Variants in RASAL2 observed in about 807,000 individuals in gnomAD.
RASAL2 encodes the protein ras GTPase-activating protein nGAP.
RASAL2 carries 58 observed loss-of-function variants against 128.9 expected under a neutral mutation model. The observed-to-expected ratio is 0.45, with a 90% confidence interval of 0.36 to 0.56. The LOEUF is 0.56. Ranked by LOEUF, RASAL2 falls within the 20% of genes least tolerant of loss-of-function variation. RASAL2 has a pLI of 0.00. For missense variants in RASAL2, 1,360 were observed against 1,601.6 expected, an observed-to-expected ratio of 0.85 and a Z score of 2.57; for synonymous variants, 561 against 580.8, an observed-to-expected ratio of 0.97 and a Z score of 0.49.
At chr1:178,187,067 A>G (rs1380532873) in intron 1 of RASAL2, among the ~76,000 whole-genome samples, 3 of 152,028 alleles carry the variant, frequency 2.0e-5, no homozygotes, top group Admixed American at 6.6e-5. Context: ...GCCTAAAGCA[A>G]TCCTCCTGCC....
intron 3 of RASAL2, among the ~76,000 whole-genome samples, chr1:178,309,486 TGGTTGAGTA>T: frequency 6.6e-6 from 1 of 152,300 alleles, no homozygotes; most frequent in Non-Finnish European, 1.5e-5. Context: ...CTCAAGGTTT[TGGTTGAGTA>T]GTTTTGGGTT....
intron 3 of RASAL2, among the ~76,000 whole-genome samples, chr1:178,320,047 C>G (rs960188991): frequency 1.3e-5 from 2 of 151,546 alleles, no homozygotes; most frequent in African/African-American, 4.8e-5. Context: ...GTTGGAATAC[C>G]CTGCCATGTG....
chr1:178,274,080 A>T (rs1021158483), intron 1 of RASAL2, among the ~76,000 whole-genome samples: 8 of 152,206 alleles, frequency 5.3e-5, no homozygotes, highest in African/African-American at 1.9e-4. Context: ...ATTGCACTTG[A>T]TGCTATAAAT....
chr1:178,341,715 T>G lies in RASAL2; in HGVS notation c.457+41597T>G. 5 of 1,508,750 alleles carry G rather than the reference T, an allele frequency of 3.3e-6. No individual in the cohort carries two copies. The East Asian group carries it at 1.1e-4, about 35-fold the overall frequency. The allele number at this position is 1,508,750 out of a possible 1,614,324, so 93.5% of individuals were successfully genotyped here. Reference sequence around the variant, plus strand: ...CAGTGACTATTTACCTTTATGATTATTGGCTTTAAAAAAATAGGTTGGTTT... The same window carrying G: ...CAGTGACTATTTACCTTTATGATTAGTGGCTTTAAAAAAATAGGTTGGTTT... On this transcript the variant is annotated intron_variant, in intron 3 of 17. Transcript: ENST00000367649.
chr1:178,362,932 A>G (rs906803512), intron 3 of RASAL2, among the ~76,000 whole-genome samples: 1 of 152,124 alleles, frequency 6.6e-6, no homozygotes, highest in Non-Finnish European at 1.5e-5. Flanking sequence ...AGTTGCTTCC[A>G]TAACTTGTAT....
At chr1:178,302,446 C>CAAATTCCTAGGGGAAA (rs1667808224) in intron 3 of RASAL2, among the ~76,000 whole-genome samples, 1 of 151,984 alleles carries the variant, frequency 6.6e-6, no homozygotes, top group Non-Finnish European at 1.5e-5. Context: ...GATCTAATAA[C>CAAATTCCTAGGGGAAA]AGATGTGAAA....
In RASAL2 at chr1:178,456,711, C is replaced by A. The variant is rs777413545; in HGVS notation, c.2212-10C>A. On this transcript the variant is annotated splice_polypyrimidine_tract_variant and intron_variant, in intron 12 of 17. Coordinates refer to ENST00000367649, the MANE Select transcript of RASAL2 (RefSeq NM_170692.4). ...TATTATCCAATTAGGGTGAAAATTC[C>A]TTCCTACAGGCGACCGTGGCAAAAT... The A allele has an allele frequency of 6.2e-7, 1 of 1,613,926 alleles. No individual in the cohort carries two copies. Among genetic ancestry groups the A allele is most frequent in the Non-Finnish European group, 8.5e-7 (1 of 1,179,896 alleles).
At chr1:178,416,096 C>T (rs1209141704) in intron 4 of RASAL2, among the ~76,000 whole-genome samples, 1 of 152,054 alleles carries the variant, frequency 6.6e-6, no homozygotes, top group Non-Finnish European at 1.5e-5. Context: ...TATTTGTTAA[C>T]TGTTTTCTAT....
intron 1 of RASAL2, among the ~76,000 whole-genome samples, chr1:178,199,955 A>G (rs1422758948): frequency 1.3e-5 from 2 of 152,192 alleles, no homozygotes; most frequent in Non-Finnish European, 2.9e-5. Context: ...CCCGGCCTAC[A>G]TCTTTCTCCC....
chr1:178,169,580 G>A (rs1365934377), intron 1 of RASAL2, among the ~76,000 whole-genome samples: 3 of 152,036 alleles, frequency 2.0e-5, no homozygotes, highest in African/African-American at 4.8e-5. Context: ...AGAGATATGC[G>A]GAAGTCTTAT....
intron 5 of RASAL2, among the ~76,000 whole-genome samples, chr1:178,423,718 G>A (rs1185948834): frequency 6.6e-6 from 1 of 152,004 alleles, no homozygotes; most frequent in African/African-American, 2.4e-5. Context: ...ATGGGATGGG[G>A]GGGGATTTCT....
chr1:178,318,503 A>G (rs1378343704), intron 3 of RASAL2, among the ~76,000 whole-genome samples: 1 of 150,754 alleles, frequency 6.6e-6, no homozygotes, highest in Admixed American at 6.6e-5. Context: ...TATATTTAGG[A>G]TAGTTAGCTC....
intron 3 of RASAL2, among the ~76,000 whole-genome samples, chr1:178,351,716 G>A (rs1670516559): frequency 1.4e-5 from 2 of 143,930 alleles, no homozygotes; most frequent in South Asian, 2.2e-4. Context: ...ATGACAGAGC[G>A]AGACTCTATC....
chr1:178,107,991 G>T (rs1476552833), intron 1 of RASAL2, among the ~76,000 whole-genome samples: 1 of 152,102 alleles, frequency 6.6e-6, no homozygotes, highest in African/African-American at 2.4e-5. Flanking sequence ...CTGGGTGTAT[G>T]GTTGTTCTAT....
At chr1:178,170,195 T>C (rs990935282) in intron 1 of RASAL2, among the ~76,000 whole-genome samples, 2 of 151,960 alleles carry the variant, frequency 1.3e-5, no homozygotes, top group Non-Finnish European at 2.9e-5. Flanking sequence ...ATAGGAAATA[T>C]GTTGTTGACT....
rs992794465 is a variant in RASAL2, at chr1:178,474,238, A to G, written c.*999A>G. On this transcript the variant is annotated 3_prime_UTR_variant, in exon 18 of 18. Coordinates refer to ENST00000367649, the MANE Select transcript of RASAL2 (RefSeq NM_170692.4). ...TCTTCCATACAGAAAAGGGCTAACC[A>G]TACCACAGCTGGAATCTCTGAATAT... 1 of 152,636 alleles carries G rather than the reference A, an allele frequency of 6.6e-6. No homozygotes were observed. The highest frequency in any genetic ancestry group is 2.4e-5 in the African/African-American group (1 of 41,428). The allele number at this position is 152,636 out of a possible 1,614,324, so 9.5% of individuals were successfully genotyped here. A position where few individuals can be genotyped will look rare whatever the true frequency, so the allele number is the denominator to read the frequency against.
At chr1:178,398,839 T>C (rs1673429531) in intron 4 of RASAL2, among the ~76,000 whole-genome samples, 1 of 152,156 alleles carries the variant, frequency 6.6e-6, no homozygotes, top group Admixed American at 6.5e-5. Context: ...TCAAATTCAT[T>C]CATCCCCTTT....
At chr1:178,384,003 A>T (rs1672419007) in intron 3 of RASAL2, among the ~76,000 whole-genome samples, 1 of 152,238 alleles carries the variant, frequency 6.6e-6, no homozygotes. Context: ...ATTTTTAAAA[A>T]GGCTTTTGAA....
At chr1:178,395,984 A>G (rs1477329697) in intron 4 of RASAL2, among the ~76,000 whole-genome samples, 1 of 151,894 alleles carries the variant, frequency 6.6e-6, no homozygotes, top group Non-Finnish European at 1.5e-5. Context: ...CTAATGATAA[A>G]TATCTTAGAA....
Sources: gnomAD v4.1 joint callset for allele counts (sites outside exome capture counted in the v4.1 genomes callset) on GRCh38, gnomAD v4.1.1 for gene constraint, MANE v1.5 for transcripts, NCBI Gene and HGNC (gene_info 2026-07-23, HGNC 2026-07-21) for gene names.